Variants in GRIA4 observed in about 807,000 individuals in gnomAD.
GRIA4 encodes the protein glutamate ionotropic receptor AMPA type subunit 4, also known as glutamate receptor 4.
GRIA4 carries 34 observed loss-of-function variants against 104.0 expected under a neutral mutation model. The observed-to-expected ratio is 0.33, with a 90% CI of 0.25 to 0.44. The LOEUF is 0.44. Ranked by LOEUF, GRIA4 falls within the 20% of genes least tolerant of loss-of-function variation. GRIA4 has a pLI of 1.00. For missense variants in GRIA4, 750 were observed against 1,096.5 expected, an observed-to-expected ratio of 0.68 and a Z score of 4.46; for synonymous variants, 386 against 381.9, an observed-to-expected ratio of 1.01 and a Z score of -0.13.
At chr11:105,842,335 A>G (rs1288937151) in intron 4 of GRIA4, among the ~76,000 whole-genome samples, 1 of 152,148 alleles carries the variant, frequency 6.6e-6, no homozygotes, top group Non-Finnish European at 1.5e-5. Context: ...GTGTACCAGG[A>G]TATGACTTTA....
intron 6 of GRIA4, among the ~76,000 whole-genome samples, chr11:105,896,758 C>T (rs971081817): frequency 6.6e-6 from 1 of 152,050 alleles, no homozygotes; most frequent in East Asian, 1.9e-4. Flanking sequence ...TATTGTGTTC[C>T]ATTGATCTGT....
chr11:105,773,526 G>T (rs1386511910), intron 4 of GRIA4, among the ~76,000 whole-genome samples: 1 of 152,072 alleles, frequency 6.6e-6, no homozygotes, highest in Non-Finnish European at 1.5e-5. Context: ...TTATACAGGA[G>T]TATCATTAGA....
At chr11:105,887,829 A>G (rs1946320986) in intron 6 of GRIA4, among the ~76,000 whole-genome samples, 1 of 152,206 alleles carries the variant, frequency 6.6e-6, no homozygotes. Context: ...ACCACTTGTC[A>G]AATTAAATAA....
chr11:105,690,092 C>G lies in GRIA4; in HGVS notation c.248-62889C>G, dbSNP rs554010333. ...ATTTGATTTCATTTTCCCTTAGTGT[C>G]TATACTTACATCTTTTTTTTCTTCA... On this transcript the variant is annotated intron_variant, in intron 3 of 16. Transcript: ENST00000282499. Among the ~76,000 whole-genome samples, 7 of 152,266 alleles carry G rather than the reference C, an allele frequency of 4.6e-5. No homozygotes were observed. The South Asian group carries it at 1.2e-3, about 27-fold the overall frequency.
At chr11:105,634,487 AAG>A (rs1951140561) in intron 3 of GRIA4, among the ~76,000 whole-genome samples, 1 of 64,612 alleles carries the variant, frequency 1.5e-5, no homozygotes, top group Non-Finnish European at 4.1e-5. Context: ...GAAAGAAAGA[AAG>A]AAAGAAAGAA....
At chr11:105,869,237 T>G (rs1338159365) in intron 5 of GRIA4, among the ~76,000 whole-genome samples, 1 of 152,148 alleles carries the variant, frequency 6.6e-6, no homozygotes, top group Non-Finnish European at 1.5e-5. Context: ...CAAGTGCTTT[T>G]GTCTGGGAAG....
chr11:105,908,607 A>G (rs549996163), intron 9 of GRIA4, among the ~76,000 whole-genome samples: 24 of 143,728 alleles, frequency 1.7e-4, no homozygotes, highest in Non-Finnish European at 3.0e-5. Context: ...GCATATAGGT[A>G]TAAGGCCAAA....
At chr11:105,887,744 T>C (rs570827845) in intron 6 of GRIA4, among the ~76,000 whole-genome samples, 172 bp downstream of exon 6, 1 of 152,286 alleles carries the variant, frequency 6.6e-6, no homozygotes, top group African/African-American at 2.4e-5. Flanking sequence ...GAATTCAATA[T>C]ATTTTTATGC....
chr11:105,832,729 A>G (rs1485810238), intron 4 of GRIA4, among the ~76,000 whole-genome samples: 1 of 152,032 alleles, frequency 6.6e-6, no homozygotes, highest in African/African-American at 2.4e-5. Flanking sequence ...TCTTACAGTT[A>G]TCAGCCTTAG....
intron 4 of GRIA4, among the ~76,000 whole-genome samples, chr11:105,838,869 G>A (rs1244820798): frequency 6.6e-6 from 1 of 152,148 alleles, no homozygotes; most frequent in Non-Finnish European, 1.5e-5. Context: ...GGCAGTATTA[G>A]TCACAGCATA....
intron 3 of GRIA4, among the ~76,000 whole-genome samples, chr11:105,687,631 T>C (rs1221523519): frequency 2.0e-5 from 3 of 152,176 alleles, no homozygotes; most frequent in Admixed American, 6.5e-5. Flanking sequence ...GTGCTGTCTA[T>C]AGATATAAAG....
At chr11:105,726,362 G>C (rs1011886765) in intron 3 of GRIA4, among the ~76,000 whole-genome samples, 2 of 152,134 alleles carry the variant, frequency 1.3e-5, no homozygotes, top group Non-Finnish European at 1.5e-5. Context: ...TCTGGGCAAG[G>C]CATCTCTGAA....
intron 13 of GRIA4, among the ~76,000 whole-genome samples, chr11:105,929,250 T>G (rs1047948198): frequency 6.6e-6 from 1 of 152,052 alleles, no homozygotes; most frequent in African/African-American, 2.4e-5. Context: ...TCAAAATCAT[T>G]TTCTCATAGG....
chr11:105,869,966 C>T (rs1945555039), intron 5 of GRIA4, among the ~76,000 whole-genome samples: 1 of 151,938 alleles, frequency 6.6e-6, no homozygotes, highest in African/African-American at 2.4e-5. Context: ...CACATAACCA[C>T]TGGTAAAGAT....
At position 105,610,986 on chromosome 11, in the gene GRIA4, G is replaced by A. The variant is rs1264689031; in HGVS notation, c.-12G>A. On this transcript the variant is annotated 5_prime_UTR_variant, in exon 2 of 17. Transcript: ENST00000282499. ...AGAGAGAGAGCGCGCGCCAGGGAGA[G>A]GAGAAAAGAAGATGAGGATTATTTC... 1.3e-6 allele frequency: 2 copies of A among 1,589,842 alleles called. No individual in the cohort carries two copies. Among genetic ancestry groups the A allele is most frequent in the African/African-American group, 1.3e-5 (1 of 74,096 alleles).
At chr11:105,741,460 A>G (rs1236887185) in intron 3 of GRIA4, among the ~76,000 whole-genome samples, 1 of 152,198 alleles carries the variant, frequency 6.6e-6, no homozygotes, top group Non-Finnish European at 1.5e-5. Context: ...GAAACATTGT[A>G]GAAGAAGTGC....
At chr11:105,876,506 C>G (rs1376364257) in intron 5 of GRIA4, among the ~76,000 whole-genome samples, 1 of 152,186 alleles carries the variant, frequency 6.6e-6, no homozygotes, top group Non-Finnish European at 1.5e-5. Flanking sequence ...CTACTATTGA[C>G]AGTGGGGTGT....
chr11:105,632,985 A>T (rs1421836285), intron 3 of GRIA4, among the ~76,000 whole-genome samples: 1 of 152,170 alleles, frequency 6.6e-6, no homozygotes, highest in African/African-American at 2.4e-5. Context: ...GTAACTTGGG[A>T]AGATGGTGCT....
chr11:105,630,478 C>T (rs1434975410), intron 3 of GRIA4, among the ~76,000 whole-genome samples: 3 of 152,170 alleles, frequency 2.0e-5, no homozygotes, highest in South Asian at 2.1e-4. Context: ...ACAGGAGAAT[C>T]GCTTGAACCT....
Sources: allele counts gnomAD v4.1 joint callset (sites outside exome capture counted in the v4.1 genomes callset), GRCh38; gene constraint gnomAD v4.1.1; transcripts MANE v1.5; gene names NCBI Gene and HGNC (gene_info 2026-07-23, HGNC 2026-07-21).